The following SEMA3C variants were observed in gnomAD, a reference collection of about 807,000 sequenced individuals.
SEMA3C encodes semaphorin 3C.
A neutral mutation model predicts 89.4 loss-of-function variants in SEMA3C; 47 were observed. The observed-to-expected ratio is 0.53, with a 90% CI of 0.42 to 0.67. The LOEUF (loss-of-function observed/expected upper bound fraction) is 0.67. Ranked by LOEUF, SEMA3C falls within the 30% of genes least tolerant of loss-of-function variation. The probability of loss-of-function intolerance (pLI) is 0.00; values close to 1 mark genes in which losing one functional copy is unlikely to be tolerated. For synonymous variants in SEMA3C, 310 were observed against 320.2 expected (o/e 0.97, Z 0.34); for missense variants, 839 against 929.1 (o/e 0.90, Z 1.26).
intron 2 of SEMA3C, among the ~76,000 whole-genome samples, chr7:80,907,333 C>A (rs1038115997): frequency 2.0e-5 from 3 of 151,910 alleles, no homozygotes; most frequent in African/African-American, 7.3e-5. Flanking sequence ...CCATGCCAAG[C>A]CCTCTGCTTG....
intron 13 of SEMA3C, among the ~76,000 whole-genome samples, chr7:80,764,895 C>T (rs1193840052): frequency 1.3e-5 from 2 of 152,070 alleles, no homozygotes; most frequent in African/African-American, 4.8e-5. Context: ...TAATGATGAC[C>T]ACAATTCTTC....
At chr7:80,818,447 T>G (rs1404438280) in intron 4 of SEMA3C, 29 bp from the exon 5 acceptor site, 1 of 1,601,838 alleles carries the variant, frequency 6.2e-7, no homozygotes, top group Non-Finnish European at 8.5e-7. Context: ...AAGCAGTTAG[T>G]AACTCAATGA....
chr7:80,773,680 A>G (rs1562869049), intron 12 of SEMA3C, among the ~76,000 whole-genome samples: 1 of 152,136 alleles, frequency 6.6e-6, no homozygotes, highest in Non-Finnish European at 1.5e-5. Flanking sequence ...TAAGATGAGG[A>G]GGCAGATATG....
At chr7:80,853,998 G>GA (rs887126447) in intron 2 of SEMA3C, among the ~76,000 whole-genome samples, 31 of 148,690 alleles carry the variant, frequency 2.1e-4, no homozygotes, top group Non-Finnish European at 2.8e-4. Flanking sequence ...TCATTTCACA[G>GA]AAAAAAAAAG....
At chr7:80,848,932 T>C (rs1790449674) in intron 2 of SEMA3C, among the ~76,000 whole-genome samples, 1 of 152,190 alleles carries the variant, frequency 6.6e-6, no homozygotes, top group Non-Finnish European at 1.5e-5. Flanking sequence ...GGATGCCCTC[T>C]TTTAAATCGA....
intron 12 of SEMA3C, 22 bp from the exon 13 acceptor site, chr7:80,765,265 T>C (rs1208606095): frequency 9.0e-6 from 14 of 1,548,982 alleles, no homozygotes; most frequent in Non-Finnish European, 2.7e-6. Context: ...AAAGAAGAAA[T>C]GAGATGTTAC....
chr7:80,877,209 T>C (rs956034661), intron 2 of SEMA3C, among the ~76,000 whole-genome samples: 9 of 152,188 alleles, frequency 5.9e-5, no homozygotes, highest in African/African-American at 1.4e-4. Flanking sequence ...AATATAGAAT[T>C]ACAAAATTGA....
chr7:80,916,709 G>A lies in SEMA3C; in HGVS notation c.73C>T (p.Pro25Ser). 1 of 1,613,328 alleles carries A rather than the reference G, an allele frequency of 6.2e-7. No individual in the cohort carries two copies. The highest frequency in any genetic ancestry group is 8.5e-7 in the Non-Finnish European group (1 of 1,179,650). The change falls in exon 2 of 18, where the codon CCC becomes TCC. Residue 25 changes from proline to serine, a missense_variant. Physicochemically the swap from Pro to Ser is moderately conservative, Grantham distance 74. Coordinates refer to ENST00000265361, the MANE Select transcript of SEMA3C (RefSeq NM_006379.5). Reference sequence around the variant, plus strand: ...AATGTTAAATAAACTCTTGCTTGGGGCTGGGAAGATCCTTTCACACAGATA... The same window carrying A: ...AATGTTAAATAAACTCTTGCTTGGGACTGGGAAGATCCTTTCACACAGATA... ...CSICVKGSSQ[P>S]QARVYLTFDE... is the part of the protein sequence containing the mutation.
intron 2 of SEMA3C, among the ~76,000 whole-genome samples, chr7:80,911,275 C>T (rs1792141539): frequency 6.6e-6 from 1 of 152,134 alleles, no homozygotes. Flanking sequence ...AACTAATTCT[C>T]ATGGCAGCTA....
intron 2 of SEMA3C, among the ~76,000 whole-genome samples, chr7:80,869,761 G>C (rs1482845634): frequency 6.6e-6 from 1 of 151,874 alleles, no homozygotes; most frequent in African/African-American, 2.4e-5. Flanking sequence ...CTAGTTTCTG[G>C]GGTTCAGACC....
At chr7:80,801,096 A>G (rs1789196343) in intron 9 of SEMA3C, among the ~76,000 whole-genome samples, 1 of 152,126 alleles carries the variant, frequency 6.6e-6, no homozygotes, top group Non-Finnish European at 1.5e-5. Context: ...ATGATATATT[A>G]CATAATATGG....
intron 2 of SEMA3C, among the ~76,000 whole-genome samples, chr7:80,902,452 T>A (rs1791904555): frequency 6.6e-6 from 1 of 152,204 alleles, no homozygotes; most frequent in Non-Finnish European, 1.5e-5. Context: ...GCTATGTTTA[T>A]AAGCAAATGA....
intron 5 of SEMA3C, among the ~76,000 whole-genome samples, chr7:80,812,481 A>G (rs896359651): frequency 6.6e-6 from 1 of 152,194 alleles, no homozygotes; most frequent in Non-Finnish European, 1.5e-5. Context: ...AACAACAAAA[A>G]AAATAGTAAG....
intron 15 of SEMA3C, among the ~76,000 whole-genome samples, chr7:80,754,448 G>A (rs1174032923): frequency 6.6e-6 from 1 of 151,858 alleles, no homozygotes; most frequent in Non-Finnish European, 1.5e-5. Context: ...CACAAAACTA[G>A]GTAAATTAAC....
At chr7:80,800,869 CTTCT>C (rs757843152) in intron 9 of SEMA3C, 43 bp from the exon 10 acceptor site, 16 of 1,340,462 alleles carry the variant, frequency 1.2e-5, no homozygotes, top group East Asian at 5.4e-5. Flanking sequence ...TAAATATTAA[CTTCT>C]TTGTTTTGAA....
At chr7:80,840,543 A>AGAGC (rs1554377416) in intron 2 of SEMA3C, among the ~76,000 whole-genome samples, 1 of 136,216 alleles carries the variant, frequency 7.3e-6, no homozygotes, top group Non-Finnish European at 1.6e-5. Context: ...AAAAAAAAAA[A>AGAGC]GAGCGAGAGA....
At chr7:80,781,887 G>A (rs1306920207) in intron 12 of SEMA3C, among the ~76,000 whole-genome samples, 1 of 152,162 alleles carries the variant, frequency 6.6e-6, no homozygotes, top group Admixed American at 6.5e-5. Flanking sequence ...AAATGAGCCA[G>A]TGGTGCAAAG....
At chr7:80,763,905 G>A (rs1328225639) in intron 13 of SEMA3C, among the ~76,000 whole-genome samples, 2 of 152,036 alleles carry the variant, frequency 1.3e-5, no homozygotes, top group East Asian at 1.9e-4. Context: ...TATCATTGAC[G>A]TCATTTTATG....
intron 2 of SEMA3C, among the ~76,000 whole-genome samples, chr7:80,898,388 A>G (rs1791792322): frequency 6.6e-6 from 1 of 152,104 alleles, no homozygotes; most frequent in South Asian, 2.1e-4. Context: ...CAAACAACAG[A>G]AAAATATAAA....
Sources: allele counts gnomAD v4.1 joint callset (sites outside exome capture counted in the v4.1 genomes callset), GRCh38; gene constraint gnomAD v4.1.1; transcripts MANE v1.5; gene names NCBI Gene and HGNC (gene_info 2026-07-23, HGNC 2026-07-21).